Variants in NALF1 observed in about 807,000 individuals in gnomAD.
The protein encoded by NALF1 is NALCN channel auxiliary factor 1.
NALF1 carries 3 observed loss-of-function variants against 48.4 expected under a neutral mutation model. The ratio of observed to expected loss-of-function variants is 0.06; its 90% CI spans 0.03 to 0.16. The LOEUF (loss-of-function observed/expected upper bound fraction) is 0.16. Ranked by LOEUF, NALF1 falls within the 10% of genes least tolerant of loss-of-function variation. NALF1 has a pLI of 1.00. For synonymous variants in NALF1, 262 were observed against 245.7 expected (o/e 1.07, Z -0.62); for missense variants, 526 against 571.5 (o/e 0.92, Z 0.81).
chr13:107,485,103 T>C (rs571478520), intron 1 of NALF1, among the ~76,000 whole-genome samples: 1 of 152,274 alleles, frequency 6.6e-6, no homozygotes, highest in African/African-American at 2.4e-5. Flanking sequence ...TTCCTAAACG[T>C]ACAGCTATGA....
intron 1 of NALF1, among the ~76,000 whole-genome samples, chr13:107,794,816 C>T (rs1878365411): frequency 6.6e-6 from 1 of 151,984 alleles, no homozygotes; most frequent in Non-Finnish European, 1.5e-5. Context: ...CTAATGTGAA[C>T]GTTTGTACAA....
chr13:107,252,588 C>T (rs571796685), intron 1 of NALF1, among the ~76,000 whole-genome samples: 29 of 152,146 alleles, frequency 1.9e-4, no homozygotes, highest in African/African-American at 5.8e-4. Flanking sequence ...ATAGCCTCAC[C>T]TCCACAGGTG....
At chr13:107,580,524 T>C (rs1878275142) in intron 1 of NALF1, among the ~76,000 whole-genome samples, 1 of 152,120 alleles carries the variant, frequency 6.6e-6, no homozygotes, top group Non-Finnish European at 1.5e-5. Flanking sequence ...CCCACATGCA[T>C]GACATCAGCA....
chr13:107,811,461 T>G (rs1261948261), intron 1 of NALF1, among the ~76,000 whole-genome samples: 2 of 152,196 alleles, frequency 1.3e-5, no homozygotes, highest in South Asian at 2.1e-4. Flanking sequence ...TATCTTACAT[T>G]GATTGACATT....
chr13:107,198,109 T>C (rs566172277), intron 2 of NALF1, among the ~76,000 whole-genome samples: 16 of 152,314 alleles, frequency 1.1e-4, no homozygotes, highest in Admixed American at 1.0e-3. Flanking sequence ...TTCTTACTCT[T>C]TCTTTTTCTT....
At position 107,788,331 on chromosome 13, in the gene NALF1, T is replaced by C. The variant is rs572840297; in HGVS notation, c.915+77351A>G. The stretch of plus-strand genomic sequence containing the variant: ...TGTTTTTTAAAGTCAATCTATCTGA[T>C]AACAAAGTTTCCCTTTTTAATTTTT... On this transcript the variant is annotated intron_variant, in intron 1 of 2. Coordinates refer to ENST00000375915, the MANE Select transcript of NALF1 (RefSeq NM_001080396.3). 2.0e-5 allele frequency: 3 copies of C among 152,346 alleles called. No individual in the cohort carries two copies. In the East Asian group the frequency reaches 5.8e-4, roughly 29 times the overall value. The allele number at this position is 152,346 out of a possible 1,614,324, so 9.4% of individuals were successfully genotyped here.
chr13:107,667,092 T>A (rs1026334074), intron 1 of NALF1, among the ~76,000 whole-genome samples: 1 of 152,104 alleles, frequency 6.6e-6, no homozygotes. Flanking sequence ...TTTAGATTTT[T>A]ATAGTTTCAT....
At chr13:107,786,674 G>A (rs1300537762) in intron 1 of NALF1, among the ~76,000 whole-genome samples, 1 of 152,028 alleles carries the variant, frequency 6.6e-6, no homozygotes, top group Non-Finnish European at 1.5e-5. Context: ...GGAGGTTGCA[G>A]TGAGCCAAGA....
chr13:107,202,805 A>G (rs1879549562), intron 2 of NALF1, among the ~76,000 whole-genome samples: 1 of 152,216 alleles, frequency 6.6e-6, no homozygotes, highest in South Asian at 2.1e-4. Context: ...CCAGCTGTAC[A>G]TAGCAAGGAA....
At chr13:107,863,227 G>C (rs1880624705) in intron 1 of NALF1, among the ~76,000 whole-genome samples, 1 of 152,008 alleles carries the variant, frequency 6.6e-6, no homozygotes, top group Non-Finnish European at 1.5e-5. Flanking sequence ...AAGTAAAAGT[G>C]TTCAGAAAGA....
At chr13:107,262,055 AT>A (rs1349609391) in intron 1 of NALF1, among the ~76,000 whole-genome samples, 2 of 152,204 alleles carry the variant, frequency 1.3e-5, no homozygotes, top group Non-Finnish European at 2.9e-5. Flanking sequence ...AAATAAATAA[AT>A]AAATGAATAA....
At chr13:107,437,157 A>G (rs1884475819) in intron 1 of NALF1, among the ~76,000 whole-genome samples, 1 of 152,188 alleles carries the variant, frequency 6.6e-6, no homozygotes, top group Non-Finnish European at 1.5e-5. Flanking sequence ...GTTATTCATT[A>G]AAGAAATGCC....
intron 1 of NALF1, among the ~76,000 whole-genome samples, chr13:107,565,082 A>AAAAC (rs1877761608): frequency 1.3e-5 from 2 of 149,668 alleles, no homozygotes; most frequent in African/African-American, 4.9e-5. Flanking sequence ...AAAAAAAAAA[A>AAAAC]AACCTAGCAT....
chr13:107,811,489 A>G (rs1274159454), intron 1 of NALF1, among the ~76,000 whole-genome samples: 1 of 152,176 alleles, frequency 6.6e-6, no homozygotes, highest in Admixed American at 6.6e-5. Flanking sequence ...TATGTGGCAT[A>G]TGTATCCTCT....
chr13:107,370,647 G>C (rs778036041), intron 1 of NALF1, among the ~76,000 whole-genome samples: 1 of 144,294 alleles, frequency 6.9e-6, no homozygotes, highest in Non-Finnish European at 1.5e-5. Context: ...TCTTTAAAAA[G>C]AGTCAGAGGG....
At position 107,163,526 on chromosome 13, in the gene NALF1, A is replaced by T. The variant is rs186386949; in HGVS notation, c.*6971T>A. On this transcript the variant is annotated 3_prime_UTR_variant, in exon 3 of 3. Coordinates refer to ENST00000375915, the MANE Select transcript of NALF1 (RefSeq NM_001080396.3). ...TAAACAAACTTTAGCAGTGGCCTCT[A>T]TATCTTTTTAATATTTGTATTTTAA... The T allele has an allele frequency of 6.6e-6, 1 of 152,316 alleles. No homozygotes were observed. The highest frequency in any genetic ancestry group is 6.5e-5 in the Admixed American group (1 of 15,298). The allele number at this position is 152,316 out of a possible 1,614,324, so 9.4% of individuals were successfully genotyped here. A position where few individuals can be genotyped will look rare whatever the true frequency, so the allele number is the denominator to read the frequency against.
At chr13:107,591,327 T>A (rs1278649591) in intron 1 of NALF1, among the ~76,000 whole-genome samples, 2 of 152,018 alleles carry the variant, frequency 1.3e-5, no homozygotes, top group East Asian at 3.9e-4. Flanking sequence ...GTTTAATACG[T>A]ATTCTGCACA....
At chr13:107,492,996 G>C (rs1251887349) in intron 1 of NALF1, among the ~76,000 whole-genome samples, 1 of 152,158 alleles carries the variant, frequency 6.6e-6, no homozygotes, top group African/African-American at 2.4e-5. Context: ...TTTGTTGCTA[G>C]AATTTTGTGC....
chr13:107,849,449 A>C (rs1035821408), intron 1 of NALF1, among the ~76,000 whole-genome samples: 1 of 152,334 alleles, frequency 6.6e-6, no homozygotes, highest in Non-Finnish European at 1.5e-5. Context: ...TTAATCTGCA[A>C]GCTTCACCCA....
Sources: allele counts gnomAD v4.1 joint callset (sites outside exome capture counted in the v4.1 genomes callset), GRCh38; gene constraint gnomAD v4.1.1; transcripts MANE v1.5; gene names NCBI Gene and HGNC (gene_info 2026-07-23, HGNC 2026-07-21).